The following ZNF718 variants were observed in gnomAD, a reference collection of about 807,000 sequenced individuals.
ZNF718 encodes the protein zinc finger protein 718.
A neutral mutation model predicts 2.6 loss-of-function variants in ZNF718; 3 were observed. That is an observed-to-expected ratio of 1.16 (90% CI 0.53 to 3.01). ZNF718 has a LOEUF of 3.01. Among genes scored for constraint, ZNF718 ranks in the 30% most tolerant of loss-of-function variants. The probability of loss-of-function intolerance (pLI) is 0.03; values close to 1 mark genes in which losing one functional copy is unlikely to be tolerated. For missense variants in ZNF718, 468 were observed against 230.0 expected (o/e 2.03, Z -6.69); for synonymous variants, 135 against 77.9 (o/e 1.73, Z -3.86).
chr4:192,689 AG>A (rs1378026996), intron 3 of ZNF718, among the ~76,000 whole-genome samples: 4 of 152,212 alleles, frequency 2.6e-5, no homozygotes, highest in African/African-American at 9.7e-5. Flanking sequence ...CATCAACATC[AG>A]AGCAGGGGCT....
chr4:146,090 T>C (rs978952335), intron 3 of ZNF718, among the ~76,000 whole-genome samples: 6 of 145,822 alleles, frequency 4.1e-5, no homozygotes, highest in Non-Finnish European at 8.9e-5. Flanking sequence ...TATATATATA[T>C]ATATATATAT....
At chr4:126,380 A>AT (rs1715220921) in intron 1 of ZNF718, among the ~76,000 whole-genome samples, 1 of 152,180 alleles carries the variant, frequency 6.6e-6, no homozygotes, top group Non-Finnish European at 1.5e-5. Flanking sequence ...TATGTAAATC[A>AT]TTTTTATCAG....
intron 3 of ZNF718, among the ~76,000 whole-genome samples, chr4:175,387 T>G (rs1287389187): frequency 6.6e-6 from 1 of 152,160 alleles, no homozygotes; most frequent in Non-Finnish European, 1.5e-5. Context: ...TGGAAAGACT[T>G]TAAGGAACCA....
chr4:166,761 AG>A (rs1206300246), downstream of ZNF718, among the ~76,000 whole-genome samples: 1 of 152,174 alleles, frequency 6.6e-6, no homozygotes, highest in Non-Finnish European at 1.5e-5. Context: ...GTCCTTTGTC[AG>A]ATGGGTAGAT....
chr4:147,475 C>G (rs782334657), intron 3 of ZNF718, among the ~76,000 whole-genome samples: 2 of 152,092 alleles, frequency 1.3e-5, no homozygotes, highest in African/African-American at 4.8e-5. Flanking sequence ...TAACTACTAC[C>G]GGGCCTGCCA....
At chr4:171,590 A>T (rs1553818017) in intron 3 of ZNF718, among the ~76,000 whole-genome samples, 1 of 152,142 alleles carries the variant, frequency 6.6e-6, no homozygotes, top group African/African-American at 2.4e-5. Flanking sequence ...GTTTGATCTC[A>T]GACTGCTGTG....
chr4:165,838 ATT>A (rs1212574058), downstream of ZNF718, among the ~76,000 whole-genome samples: 1 of 141,390 alleles, frequency 7.1e-6, no homozygotes, highest in Non-Finnish European at 1.5e-5. Context: ...TAGGTGAGAT[ATT>A]TTACGTTCTT....
At position 180,842 on chromosome 4, in the gene ZNF718, C is replaced by T. The variant is rs1254451766; in HGVS notation, c.227-20239C>T. ...CACTTAGAATTTGTCTATTCAAATG[C>T]TTTATTCGTGTTGCATTGGTAAATT... On this transcript the variant is annotated intron_variant and NMD_transcript_variant, in intron 3 of 4. Transcript: ENST00000642529. 2.6e-5 allele frequency among the ~76,000 whole-genome samples: 4 copies of T among 152,138 alleles called. No homozygotes were observed. In the East Asian group the frequency reaches 7.7e-4, roughly 29 times the overall value.
chr4:136,381 T>C (rs1553809330), intron 3 of ZNF718: 1 of 520,366 alleles, frequency 1.9e-6, no homozygotes, highest in Non-Finnish European at 3.8e-6. Context: ...GGTCCATGGC[T>C]GGGTGTGTCT....
intron 3 of ZNF718, among the ~76,000 whole-genome samples, chr4:190,328 G>A (rs1553820975): frequency 1.3e-5 from 2 of 151,816 alleles, no homozygotes; most frequent in Non-Finnish European, 2.9e-5. Context: ...TACTCAGGAG[G>A]CTGAGGCAGG....
chr4:146,819 A>G (rs1716088523), intron 3 of ZNF718, among the ~76,000 whole-genome samples: 2 of 150,728 alleles, frequency 1.3e-5, no homozygotes, highest in South Asian at 2.1e-4. Flanking sequence ...TTTCTCTTAA[A>G]TTTTTCAGTT....
At chr4:143,218 C>T (rs372659716) in intron 3 of ZNF718, among the ~76,000 whole-genome samples, 22 of 152,270 alleles carry the variant, frequency 1.4e-4, no homozygotes, top group African/African-American at 4.1e-4. Flanking sequence ...TTGTTTGAGA[C>T]GGAGTCTCTG....
intron 3 of ZNF718, among the ~76,000 whole-genome samples, chr4:193,644 A>T (rs1018309242): frequency 1.8e-4 from 28 of 152,202 alleles, no homozygotes; most frequent in African/African-American, 5.5e-4. Context: ...ATAGTGACAG[A>T]TCTGGAGGAC....
chr4:162,862 C>CT lies in ZNF718; in HGVS notation c.*741dup, dbSNP rs1174480720. The CT allele has an allele frequency of 2.6e-5, 4 of 152,020 alleles. No homozygotes were observed. Among genetic ancestry groups the CT allele is most frequent in the African/African-American group, 4.8e-5 (2 of 41,408 alleles). 9.4% of individuals were successfully genotyped at this position (152,020 alleles called of 1,614,324 possible). A position where few individuals can be genotyped will look rare whatever the true frequency, so the allele number is the denominator to read the frequency against. ...ATGAAAAGATAGTCTGAAATTAAGA[C>CT]TAAATGTCAGAATATTTACAGTAGA... On this transcript the variant is annotated 3_prime_UTR_variant, in exon 4 of 4. Coordinates refer to ENST00000510175, the MANE Select transcript of ZNF718 (RefSeq NM_001039127.6).
At position 162,322 on chromosome 4, in the gene ZNF718, A is replaced by T. The variant is rs1360692376; in HGVS notation, c.*200A>T. ...GGAAAAGCCTTCAAATGCTTGTCAC[A>T]TATTACTGAATATAATTCTTACTGC... is the stretch of plus-strand genomic sequence containing the variant. On this transcript the variant is annotated 3_prime_UTR_variant, in exon 4 of 4. Coordinates refer to ENST00000510175, the MANE Select transcript of ZNF718 (RefSeq NM_001039127.6). 2.1e-6 allele frequency: 1 copy of T among 473,636 alleles called. No homozygotes were observed. Among genetic ancestry groups the T allele is most frequent in the Non-Finnish European group, 3.7e-6 (1 of 268,552 alleles). The allele number at this position is 473,636 out of a possible 1,614,324, so 29.3% of individuals were successfully genotyped here.
rs114291812 is a variant in ZNF718, at chr4:185,972, C to G, written c.227-15109C>G. On this transcript the variant is annotated intron_variant and NMD_transcript_variant, in intron 3 of 4. Coordinates refer to the ZNF718 transcript ENST00000642529. The stretch of plus-strand genomic sequence containing the variant: ...CAGCTTGCCATGCTGTGTCTTTTAA[C>G]TGGGGCACTTAACCTATTCGTATTT... Among the ~76,000 whole-genome samples the G allele has an allele frequency of 9.4e-3, 1,424 of 152,160 alleles. 23 individuals are homozygous for G. The highest frequency in any genetic ancestry group is 0.033 in the African/African-American group (1,349 of 41,506).
At chr4:151,324 T>C (rs1256645863) in intron 3 of ZNF718, among the ~76,000 whole-genome samples, 2 of 152,022 alleles carry the variant, frequency 1.3e-5, no homozygotes, top group Admixed American at 1.3e-4. Context: ...CAGGCTGGTC[T>C]CAAACTCCTG....
At chr4:187,428 T>C (rs1423902709) in intron 3 of ZNF718, among the ~76,000 whole-genome samples, 1 of 152,126 alleles carries the variant, frequency 6.6e-6, no homozygotes, top group East Asian at 1.9e-4. Flanking sequence ...GGTTTCACCA[T>C]ATTGGCCAGA....
intron 3 of ZNF718, among the ~76,000 whole-genome samples, chr4:147,104 G>A (rs1271009742): frequency 6.6e-6 from 1 of 152,168 alleles, no homozygotes; most frequent in Non-Finnish European, 1.5e-5. Context: ...CCAATTAGCT[G>A]TGACTACAGG....
Sources: allele counts gnomAD v4.1 joint callset (sites outside exome capture counted in the v4.1 genomes callset), GRCh38; gene constraint gnomAD v4.1.1; transcripts MANE v1.5; gene names NCBI Gene and HGNC (gene_info 2026-07-23, HGNC 2026-07-21).